The following DLGAP4 variants were observed in gnomAD, a reference collection of about 807,000 sequenced individuals.
DLGAP4 encodes the protein DLG associated protein 4, also known as disks large-associated protein 4.
A neutral mutation model predicts 86.9 loss-of-function variants in DLGAP4; 18 were observed. That is an observed-to-expected ratio of 0.21 (90% CI 0.14 to 0.31). The LOEUF (loss-of-function observed/expected upper bound fraction) is 0.31. DLGAP4 is among the 10% of genes least tolerant of loss of function. The pLI is 1.00. For synonymous variants in DLGAP4, 548 were observed against 574.3 expected (o/e 0.95, Z 0.65); for missense variants, 1,085 against 1,362.6 (o/e 0.80, Z 3.21).
At chr20:36,447,117 C>T (rs541813862) in intron 7 of DLGAP4, among the ~76,000 whole-genome samples, 180 bp downstream of exon 7, 1 of 152,316 alleles carries the variant, frequency 6.6e-6, no homozygotes, top group South Asian at 2.1e-4. Context: ...CAATTGGCCA[C>T]TGGAGCTCAA....
At chr20:36,416,969 G>A (rs1035619921) in intron 2 of DLGAP4, among the ~76,000 whole-genome samples, 2 of 152,248 alleles carry the variant, frequency 1.3e-5, no homozygotes, top group African/African-American at 4.8e-5. Context: ...CCAACTCTAC[G>A]CTTAGCACCA....
intron 10 of DLGAP4, among the ~76,000 whole-genome samples, chr20:36,518,990 G>A (rs570978289): frequency 9.5e-4 from 144 of 151,554 alleles, no homozygotes; most frequent in Non-Finnish European, 1.9e-3. Context: ...GGTGGTGCGC[G>A]CCTGTAGTCC....
intron 2 of DLGAP4, among the ~76,000 whole-genome samples, chr20:36,423,732 C>T (rs1251258626): frequency 2.0e-5 from 3 of 152,062 alleles, no homozygotes; most frequent in Non-Finnish European, 2.9e-5. Context: ...GAGGCCGAGG[C>T]GGGTGGATCA....
Position 36,431,639 on chromosome 20 carries a change from T to TCC in DLGAP4, c.-72-5_-72-4dup. On this transcript the variant is annotated splice_polypyrimidine_tract_variant and splice_region_variant and intron_variant, in intron 2 of 12. Coordinates refer to ENST00000339266, the MANE Select transcript of DLGAP4 (RefSeq NM_001365621.2). The surrounding 1 kb of genome is among the most constrained non-coding windows in gnomAD (Gnocchi z 5.1). ...CCAGCTGACCGCTTTCTGTCTTCTC[T>TCC]CCCTAGGATAGCTGCCGCCCGGGAG... is the stretch of plus-strand genomic sequence containing the variant. 15 of 1,472,194 alleles carry TCC rather than the reference T, an allele frequency of 1.0e-5. No homozygotes were observed. The highest frequency in any genetic ancestry group is 1.4e-5 in the Non-Finnish European group (15 of 1,102,210). 91.2% of individuals were successfully genotyped at this position (1,472,194 alleles called of 1,614,324 possible).
chr20:36,419,831 G>T (rs2032771327), intron 2 of DLGAP4, among the ~76,000 whole-genome samples: 1 of 152,188 alleles, frequency 6.6e-6, no homozygotes, highest in South Asian at 2.1e-4. Flanking sequence ...GGTCACACTT[G>T]GTCATCTCCA....
chr20:36,368,397 G>A lies in DLGAP4; in HGVS notation c.-73+1122G>A, dbSNP rs573815831. ...TCGTAAATATGTATAATATGCAAAT[G>A]TAATGGGATCTTTTGTTTCTTTAAC... On this transcript the variant is annotated intron_variant, in intron 2 of 12. Coordinates refer to ENST00000339266, the MANE Select transcript of DLGAP4 (RefSeq NM_001365621.2). Among the ~76,000 whole-genome samples, 4 of 152,370 alleles carry A rather than the reference G, an allele frequency of 2.6e-5. No homozygotes were observed. In the South Asian group the frequency reaches 6.2e-4, roughly 24 times the overall value.
At chr20:36,499,012 C>T (rs2036004878) in intron 8 of DLGAP4, 6 of 534,160 alleles carry the variant, frequency 1.1e-5, no homozygotes, top group Admixed American at 1.0e-4. Flanking sequence ...TCGGTGGCTC[C>T]TGTGGGTGGC....
In DLGAP4 at chr20:36,411,560, C is replaced by G. The variant is rs1314263862; in HGVS notation, c.-72-20086C>G. On this transcript the variant is annotated intron_variant, in intron 2 of 12. Transcript: ENST00000339266. ...AAATATTATGTCAGGAAAGGCCCCA[C>G]ACACCCATCATTTCCCACGTGCATA... is the stretch of plus-strand genomic sequence containing the variant. Among the ~76,000 whole-genome samples the G allele has an allele frequency of 2.0e-5, 3 of 152,230 alleles. No individual in the cohort carries two copies. The East Asian group carries it at 5.8e-4, about 29-fold the overall frequency.
At chr20:36,428,296 C>T (rs1193780605) in intron 2 of DLGAP4, among the ~76,000 whole-genome samples, 1 of 152,218 alleles carries the variant, frequency 6.6e-6, no homozygotes, top group Non-Finnish European at 1.5e-5. Context: ...CCCAGTCGCA[C>T]TAGCTGCATG....
chr20:36,421,272 A>G (rs943620004), intron 2 of DLGAP4, among the ~76,000 whole-genome samples: 4 of 152,120 alleles, frequency 2.6e-5, no homozygotes, highest in Non-Finnish European at 4.4e-5. Context: ...CCTGGCCAAC[A>G]TGGTGAACCC....
chr20:36,362,292 A>G (rs1290163997), intron 1 of DLGAP4, among the ~76,000 whole-genome samples: 2 of 152,170 alleles, frequency 1.3e-5, no homozygotes, highest in African/African-American at 4.8e-5. Context: ...GATAGGACAT[A>G]GTCTTGGGCT....
At chr20:36,501,580 G>A (rs909397261) in intron 10 of DLGAP4, among the ~76,000 whole-genome samples, 16 of 151,720 alleles carry the variant, frequency 1.1e-4, no homozygotes, top group African/African-American at 3.6e-4. Flanking sequence ...GTTGGGTGGT[G>A]GAAGGCAGGT....
At chr20:36,404,502 C>T (rs2032255325) in intron 2 of DLGAP4, among the ~76,000 whole-genome samples, 1 of 152,216 alleles carries the variant, frequency 6.6e-6, no homozygotes, top group Non-Finnish European at 1.5e-5. Flanking sequence ...CTGGCACATC[C>T]CTCCACTCCT....
Position 36,527,064 on chromosome 20 carries a change from C to CATT in DLGAP4, c.*35_*37dup. On this transcript the variant is annotated 3_prime_UTR_variant, in exon 13 of 13. Coordinates refer to ENST00000339266, the MANE Select transcript of DLGAP4 (RefSeq NM_001365621.2). Reference sequence around the variant, plus strand: ...CAGGAGGAAAGAAACGATTTTAAATCATTAAAAACACAAAAACTAAGTGCG... The same window carrying CATT: ...CAGGAGGAAAGAAACGATTTTAAATCATTATTAAAAACACAAAAACTAAGTGCG... The CATT allele has an allele frequency of 1.3e-6, 2 of 1,555,824 alleles. No homozygotes were observed. Among genetic ancestry groups the CATT allele is most frequent in the South Asian group, 2.3e-5 (2 of 86,956 alleles).
chr20:36,332,213 T>G (rs1600405606), intron 1 of DLGAP4, among the ~76,000 whole-genome samples: 1 of 152,178 alleles, frequency 6.6e-6, no homozygotes, highest in South Asian at 2.1e-4. Context: ...GGCAGGAGGC[T>G]GGGCTGGGCA....
At chr20:36,479,920 A>C (rs930270765) in intron 7 of DLGAP4, among the ~76,000 whole-genome samples, 9 of 152,058 alleles carry the variant, frequency 5.9e-5, no homozygotes, top group African/African-American at 1.9e-4. Context: ...AGGGCCTGGG[A>C]TTGGGCAGCA....
intron 10 of DLGAP4, among the ~76,000 whole-genome samples, chr20:36,520,893 C>T (rs1181276224): frequency 6.6e-6 from 1 of 152,060 alleles, no homozygotes; most frequent in Non-Finnish European, 1.5e-5. Context: ...AGTGCAGTAG[C>T]GTGATCTTGG....
chr20:36,345,034 G>A (rs1463957733), intron 1 of DLGAP4, among the ~76,000 whole-genome samples: 2 of 152,200 alleles, frequency 1.3e-5, no homozygotes, highest in Non-Finnish European at 2.9e-5. Flanking sequence ...GGCTTGGGAA[G>A]CTCAGGACTA....
chr20:36,521,979 C>A (rs1419969695), intron 10 of DLGAP4, among the ~76,000 whole-genome samples: 1 of 152,108 alleles, frequency 6.6e-6, no homozygotes, highest in Non-Finnish European at 1.5e-5. Flanking sequence ...CGGGCCAGGA[C>A]TGTGTCCCAG....
Sources: allele counts gnomAD v4.1 joint callset (sites outside exome capture counted in the v4.1 genomes callset), GRCh38; gene constraint gnomAD v4.1.1; non-coding constraint Gnocchi (gnomAD v3.1); transcripts MANE v1.5; gene names NCBI Gene and HGNC (gene_info 2026-07-23, HGNC 2026-07-21).